Variants in ROBO2 observed in about 807,000 individuals in gnomAD.
ROBO2 encodes the protein roundabout guidance receptor 2.
A neutral mutation model predicts 160.8 loss-of-function variants in ROBO2; 53 were observed. That is an observed-to-expected ratio of 0.33 (90% CI 0.26 to 0.41). The LOEUF is 0.41. Ranked by LOEUF, ROBO2 falls within the 10% of genes least tolerant of loss-of-function variation. The pLI is 1.00. For synonymous variants in ROBO2, 664 were observed against 611.7 expected (o/e 1.09, Z -1.26); for missense variants, 1,577 against 1,722.4 (o/e 0.92, Z 1.49).
chr3:76,095,970 T>C (rs1358474906), intron 2 of ROBO2, among the ~76,000 whole-genome samples: 1 of 152,136 alleles, frequency 6.6e-6, no homozygotes, highest in Non-Finnish European at 1.5e-5. Context: ...TGAACAAATA[T>C]CAAGTCATGT....
intron 2 of ROBO2, among the ~76,000 whole-genome samples, chr3:76,241,090 TC>T (rs1705254654): frequency 6.6e-6 from 1 of 152,232 alleles, no homozygotes. Context: ...CAATAGCATC[TC>T]ATTTACATTT....
At chr3:77,593,225 A>C (rs1174948349) in intron 17 of ROBO2, among the ~76,000 whole-genome samples, 1 of 151,952 alleles carries the variant, frequency 6.6e-6, no homozygotes, top group African/African-American at 2.4e-5. Context: ...AAAAAAAAAA[A>C]AACACAAACT....
chr3:77,003,975 T>C (rs989052255), intron 2 of ROBO2, among the ~76,000 whole-genome samples: 2 of 152,190 alleles, frequency 1.3e-5, no homozygotes, highest in African/African-American at 4.8e-5. Flanking sequence ...AACATGGCAG[T>C]CTCAGAATAT....
Position 76,268,381 on chromosome 3 carries a change from A to G in ROBO2, c.109+330779A>G, listed in dbSNP as rs373067988. 1.8e-4 allele frequency among the ~76,000 whole-genome samples: 27 copies of G among 152,286 alleles called. No individual in the cohort carries two copies. In the South Asian group the frequency reaches 2.5e-3, roughly 14 times the overall value. ...ACCTGGGCTGTCATAACAAAATATG[A>G]TAGGCTGGGTAGTTTAACTACATAA... is the stretch of plus-strand genomic sequence containing the variant. On this transcript the variant is annotated intron_variant, in intron 2 of 26. Coordinates refer to the ROBO2 transcript ENST00000487694.
At chr3:76,236,050 G>A (rs7648112) in intron 2 of ROBO2, among the ~76,000 whole-genome samples, 129,495 of 152,098 alleles carry the variant, frequency 0.85, 55,518 homozygotes, top group Non-Finnish European at 0.91. Flanking sequence ...TGCCTTATTT[G>A]GTTGTTAATC....
intron 2 of ROBO2, among the ~76,000 whole-genome samples, chr3:76,787,464 G>C (rs2063066574): frequency 6.6e-6 from 1 of 150,946 alleles, no homozygotes; most frequent in East Asian, 2.0e-4. Context: ...CTCACTAGAG[G>C]GCAAGGTTTA....
In ROBO2 at chr3:75,912,397, G is replaced by T. The variant is rs562771161; in HGVS notation, c.-14+5437G>T. Among the ~76,000 whole-genome samples, 5 of 151,738 alleles carry T rather than the reference G, an allele frequency of 3.3e-5. No individual in the cohort carries two copies. The East Asian group carries it at 5.8e-4, about 18-fold the overall frequency. On this transcript the variant is annotated intron_variant, in intron 1 of 26. Transcript: ENST00000487694. ...AAATATAATGGAGGGTTGAGAAGTG[G>T]TTTATTTTTACCAAGAGGAAAAATT... is the stretch of plus-strand genomic sequence containing the variant.
chr3:76,009,648 C>G (rs2066137704), intron 2 of ROBO2, among the ~76,000 whole-genome samples: 1 of 152,158 alleles, frequency 6.6e-6, no homozygotes, highest in African/African-American at 2.4e-5. Flanking sequence ...ATACATTTTT[C>G]TAATTCCTAT....
intron 2 of ROBO2, among the ~76,000 whole-genome samples, chr3:77,148,318 A>G (rs550082867): frequency 1.1e-4 from 16 of 152,308 alleles, no homozygotes; most frequent in African/African-American, 3.6e-4. Flanking sequence ...ATGGCTGTTT[A>G]AGCAGAGGAC....
chr3:76,407,210 C>A (rs1014076561), intron 2 of ROBO2, among the ~76,000 whole-genome samples: 1 of 151,820 alleles, frequency 6.6e-6, no homozygotes, highest in African/African-American at 2.4e-5. Flanking sequence ...TTACATTTTA[C>A]GTAGAGAGAC....
chr3:76,694,516 G>A (rs1159033016), intron 2 of ROBO2, among the ~76,000 whole-genome samples: 1 of 151,670 alleles, frequency 6.6e-6, no homozygotes, highest in African/African-American at 2.4e-5. Flanking sequence ...AAAGTCTTTC[G>A]ACTAAACCCA....
rs2081073929 is a variant in ROBO2 at position 76,511,299 on chromosome 3, T to C, written c.109+573697T>C. Among the ~76,000 whole-genome samples the C allele has an allele frequency of 2.0e-5, 3 of 152,226 alleles. No individual in the cohort carries two copies. In the South Asian group the frequency reaches 6.2e-4, roughly 31 times the overall value. On this transcript the variant is annotated intron_variant, in intron 2 of 26. Transcript: ENST00000487694. ...TAGTGAATTTCTTTCCAGTTCATTG[T>C]TATGCTAATAAAAAGCATAGGTCAC... is the stretch of plus-strand genomic sequence containing the variant.
At chr3:77,602,940 C>G in intron 20 of ROBO2, 1 of 457,682 alleles carries the variant, frequency 2.2e-6, no homozygotes, top group Non-Finnish European at 4.4e-6. Context: ...CTTAGCCTTA[C>G]TTTACATTCC....
intron 2 of ROBO2, among the ~76,000 whole-genome samples, chr3:76,407,705 AT>A (rs1437888634): frequency 1.3e-5 from 2 of 151,756 alleles, no homozygotes; most frequent in Non-Finnish European, 2.9e-5. Context: ...ATGTTTAATT[AT>A]TTTTTTCTTC....
chr3:76,084,096 C>T (rs2068927751), intron 2 of ROBO2, among the ~76,000 whole-genome samples: 1 of 152,134 alleles, frequency 6.6e-6, no homozygotes, highest in African/African-American at 2.4e-5. Context: ...AAAGCAGACA[C>T]TTTTGTGCTC....
chr3:76,547,894 G>A (rs2083199703), intron 2 of ROBO2, among the ~76,000 whole-genome samples: 1 of 152,046 alleles, frequency 6.6e-6, no homozygotes, highest in Admixed American at 6.5e-5. Context: ...TGTTGCTATG[G>A]GGATAAGAAC....
rs1560029392 is a variant in ROBO2 at position 76,487,438 on chromosome 3, T to G, written c.109+549836T>G. Among the ~76,000 whole-genome samples, 3 of 152,280 alleles carry G rather than the reference T, an allele frequency of 2.0e-5. No individual in the cohort carries two copies. The East Asian group carries it at 5.8e-4, about 29-fold the overall frequency. On this transcript the variant is annotated intron_variant, in intron 2 of 26. Coordinates refer to the ROBO2 transcript ENST00000487694. The stretch of plus-strand genomic sequence containing the variant: ...AGCTTACTATCTTTAAAAATGTTAT[T>G]CTGATAAAAATATATAGATTTTCTA...
At chr3:76,789,003 C>T (rs148413342) in intron 2 of ROBO2, among the ~76,000 whole-genome samples, 200 of 151,508 alleles carry the variant, frequency 1.3e-3, no homozygotes, top group African/African-American at 4.6e-3. Context: ...AATGTCAAGT[C>T]GAACACCTGG....
chr3:77,544,868 A>G (rs554275832), intron 6 of ROBO2, among the ~76,000 whole-genome samples: 24 of 152,132 alleles, frequency 1.6e-4, no homozygotes, highest in Non-Finnish European at 3.2e-4. Context: ...TTTCTGCTCA[A>G]CAAAAATGGA....
Sources: allele counts gnomAD v4.1 joint callset (sites outside exome capture counted in the v4.1 genomes callset), GRCh38; gene constraint gnomAD v4.1.1; transcripts MANE v1.5; gene names NCBI Gene and HGNC (gene_info 2026-07-23, HGNC 2026-07-21).